The following RAG1 variants were observed in gnomAD, a reference collection of about 807,000 sequenced individuals.
RAG1 encodes the protein V(D)J recombination-activating protein 1.
In RAG1, 35 loss-of-function variants were observed where a neutral mutation model predicts 62.7. That is an observed-to-expected ratio of 0.56 (90% CI 0.43 to 0.74). The LOEUF (loss-of-function observed/expected upper bound fraction) is 0.74, where lower values mean the gene tolerates loss of function less well. RAG1 is among the 30% of genes least tolerant of loss of function. The probability of loss-of-function intolerance (pLI) is 0.00; values close to 1 mark genes in which losing one functional copy is unlikely to be tolerated. For missense variants in RAG1, 1,169 were observed against 1,278.6 expected, an observed-to-expected ratio of 0.91 and a Z score of 1.31; for synonymous variants, 461 against 470.3, an observed-to-expected ratio of 0.98 and a Z score of 0.26.
chr11:36,526,839 T>C (rs375915407), intron 2 of RAG1, among the ~76,000 whole-genome samples: 2 of 152,376 alleles, frequency 1.3e-5, no homozygotes, highest in Non-Finnish European at 2.9e-5. Context: ...CCAGTGATGA[T>C]GAGCATTTCT....
chr11:36,529,623 G>A (rs2554018), intron 2 of RAG1, among the ~76,000 whole-genome samples: 149,276 of 152,258 alleles, frequency 0.98, 73,227 homozygotes, highest in Non-Finnish European at 1. Context: ...TATTCAATAT[G>A]GTATTGGAAG....
chr11:36,535,219 T>C (rs377679320), intron 2 of RAG1, among the ~76,000 whole-genome samples: 1 of 152,190 alleles, frequency 6.6e-6, no homozygotes, highest in East Asian at 1.9e-4. Flanking sequence ...CTGTGTCATT[T>C]TGGAATGCAT....
upstream of RAG1, chr11:36,510,557 G>A (rs75766816): frequency 0.016 from 2,477 of 152,148 alleles, 38 homozygotes; most frequent in Middle Eastern, 0.031. Context: ...GGCGACAGTA[G>A]TAATCCCAAA....
chr11:36,573,371 A>G lies in RAG1; in HGVS notation c.67A>G (p.Ile23Val). Residue 23 changes from isoleucine to valine, a missense_variant, in exon 2 of 2, where the codon ATT (isoleucine) becomes GTT (valine). This residue lies in a region of RAG1 where 369 missense variants were observed against 335.3 expected (regional missense o/e 1.10). Transcript: ENST00000299440. ...CCCAGATGAAATTCAGCACCCACAT[A>G]TTAAATTTTCAGAATGGAAATTTAA... ...SAPDEIQHPH[I>V]KFSEWKFKLF... is the part of the protein sequence containing the mutation. 6.2e-7 allele frequency: 1 copy of G among 1,614,110 alleles called. No individual in the cohort carries two copies. Among genetic ancestry groups the G allele is most frequent in the Non-Finnish European group, 8.5e-7 (1 of 1,180,030 alleles).
chr11:36,546,275 A>G (rs372909790), intron 3 of RAG1, among the ~76,000 whole-genome samples: 16 of 152,268 alleles, frequency 1.1e-4, no homozygotes, highest in African/African-American at 3.1e-4. Flanking sequence ...TTGACTGCAT[A>G]TATATTTAGG....
In RAG1 at chr11:36,573,599, G is replaced by A. The variant is rs138676205; in HGVS notation, c.295G>A (p.Gly99Ser). 299 of 1,614,150 alleles carry A rather than the reference G, an allele frequency of 1.9e-4. No individual in the cohort carries two copies. The African/African-American group carries it at 3.1e-3, about 17-fold the overall frequency. ...KKFHDNEKARGKAIHQANLRH... is the reference protein window; with the variant it reads ...KKFHDNEKARSKAIHQANLRH... ...ATTTCACGACAACGAGAAAGCAAGA[G>A]GCAAAGCGATCCATCAAGCCAACCT... Residue 99 changes from glycine to serine, a missense_variant, in exon 2 of 2, where the codon GGC becomes AGC. Transcript: ENST00000299440.
In RAG1 at chr11:36,574,085, G is replaced by T; in HGVS notation, c.781G>T (p.Asp261Tyr). 1 of 1,614,204 alleles carries T rather than the reference G, an allele frequency of 6.2e-7. No homozygotes were observed. Residue 261 changes from aspartate to tyrosine, a missense_variant, in exon 2 of 2, where the codon GAT becomes TAT. By Grantham distance (160) the Asp-to-Tyr change is radical (BLOSUM62 -3). Transcript: ENST00000299440. ...RRAQARISSK[D>Y]VMKKIANCSK... The stretch of plus-strand genomic sequence containing the variant: ...AGCTCAGGCAAGGATCAGCAGCAAG[G>T]ATGTCATGAAGAAGATCGCCAACTG...
intron 2 of RAG1, among the ~76,000 whole-genome samples, chr11:36,526,254 C>T (rs1860161195): frequency 8.2e-6 from 1 of 121,386 alleles, no homozygotes; most frequent in Non-Finnish European, 1.6e-5. Flanking sequence ...CCCCGATAGG[C>T]CCCAGTGTGT....
Position 36,573,695 on chromosome 11 carries a change from G to T in RAG1, c.391G>T (p.Gly131Cys). Residue 131 changes from glycine to cysteine, a missense_variant, in exon 2 of 2, where the codon GGT becomes TGT. Physicochemically the swap from Gly to Cys is radical, Grantham distance 159. This residue lies in a region of RAG1 where 369 missense variants were observed against 335.3 expected (regional missense o/e 1.10). Coordinates refer to ENST00000299440, the MANE Select transcript of RAG1 (RefSeq NM_000448.3). ...DEHNRRYPVH[G>C]PVDGKTLGLL... ...GCACAACAGGAGATATCCAGTCCATGGTCCTGTGGATGGTAAAACCCTAGG... is the reference window on the plus strand; with the variant it reads ...GCACAACAGGAGATATCCAGTCCATTGTCCTGTGGATGGTAAAACCCTAGG... The T allele has an allele frequency of 6.2e-7, 1 of 1,614,094 alleles. No individual in the cohort carries two copies. The highest frequency in any genetic ancestry group is 8.5e-7 in the Non-Finnish European group (1 of 1,180,034).
At position 36,577,103 on chromosome 11, in the gene RAG1, C is replaced by A. The variant is rs1850864176; in HGVS notation, c.*667C>A. ...TGTTTAAATTATGTATCTATTGTAA[C>A]CTTCAGAGTTTAGGAGGTCATCTGC... On this transcript the variant is annotated 3_prime_UTR_variant, in exon 2 of 2. Coordinates refer to ENST00000299440, the MANE Select transcript of RAG1 (RefSeq NM_000448.3). 6.0e-6 allele frequency: 1 copy of A among 167,402 alleles called. No individual in the cohort carries two copies. The highest frequency in any genetic ancestry group is 1.9e-4 in the East Asian group (1 of 5,198). The allele number at this position is 167,402 out of a possible 1,614,324, so 10.4% of individuals were successfully genotyped here. A position where few individuals can be genotyped will look rare whatever the true frequency, so the allele number is the denominator to read the frequency against.
At chr11:36,537,169 A>T (rs780713159), downstream of RAG1, among the ~76,000 whole-genome samples, 3 of 152,152 alleles carry the variant, frequency 2.0e-5, no homozygotes, top group Non-Finnish European at 4.4e-5. Flanking sequence ...GTTGAGCCTC[A>T]GTTATGTAAG....
intron 1 of RAG1, among the ~76,000 whole-genome samples, chr11:36,512,851 C>T (rs917993123): frequency 6.6e-6 from 1 of 152,124 alleles, no homozygotes. Context: ...AATATTTTGT[C>T]CAGTTGTCCT....
rs114081798 is a variant in RAG1 at position 36,560,919 on chromosome 11, G to A, written c.-411-2466G>A. The stretch of plus-strand genomic sequence containing the variant: ...TCCTTGCTGAATTCTAGTGTTCCGC[G>A]TTAGACGCTGTACTCAAAGTGTAGT... On this transcript the variant is annotated intron_variant and NMD_transcript_variant, in intron 3 of 9. Coordinates refer to the RAG1 transcript ENST00000534663. 8.5e-3 allele frequency among the ~76,000 whole-genome samples: 1,301 copies of A among 152,290 alleles called. 18 individuals are homozygous for A. The highest frequency in any genetic ancestry group is 0.03 in the African/African-American group (1,243 of 41,562).
In RAG1 at chr11:36,575,447, G is replaced by A. The variant is rs1326444164; in HGVS notation, c.2143G>A (p.Val715Met). Residue 715 changes from valine (V) to methionine (M), a missense_variant, in exon 2 of 2, where the codon GTG (valine) becomes ATG (methionine). This residue lies in a region of RAG1 where 800 missense variants were observed against 943.3 expected (regional missense o/e 0.85). Transcript: ENST00000299440. This position sits in a 1 kb window ranked among gnomAD's most constrained non-coding sequence, Gnocchi z 4.1. Reference sequence around the variant, plus strand: ...GGGCACCGGCTATGATGAAAAACTTGTGCGGGAAGTGGAAGGCCTCGAGGC... The same window carrying A: ...GGGCACCGGCTATGATGAAAAACTTATGCGGGAAGTGGAAGGCCTCGAGGC... ...FRGTGYDEKL[V>M]REVEGLEASG... 1 of 1,614,110 alleles carries A rather than the reference G, an allele frequency of 6.2e-7. No homozygotes were observed. Among genetic ancestry groups the A allele is most frequent in the Admixed American group, 1.7e-5 (1 of 60,032 alleles).
intron 1 of RAG1, chr11:36,515,427 A>G: frequency 6.6e-6 from 1 of 152,062 alleles, no homozygotes; most frequent in Non-Finnish European, 1.5e-5. Flanking sequence ...TGATGTCATA[A>G]TCTTTGAGTT....
intron 2 of RAG1, among the ~76,000 whole-genome samples, chr11:36,533,322 A>T (rs1051915540): frequency 6.6e-6 from 1 of 152,194 alleles, no homozygotes; most frequent in Non-Finnish European, 1.5e-5. Flanking sequence ...AGATCAGCTT[A>T]CAATGAATCC....
chr11:36,569,259 A>G (rs1415072077), intron 1 of RAG1, among the ~76,000 whole-genome samples: 1 of 152,064 alleles, frequency 6.6e-6, no homozygotes, highest in Non-Finnish European at 1.5e-5. Flanking sequence ...GTGTGGAGGG[A>G]GGCACGCCTG....
At position 36,574,312 on chromosome 11, in the gene RAG1, C is replaced by G; in HGVS notation, c.1008C>G (p.Phe336Leu). The change falls in exon 2 of 2, where the codon TTC becomes TTG. Residue 336 changes from phenylalanine to leucine, a missense_variant. Phe to Leu is a conservative substitution (Grantham distance 22). This residue lies in a region of RAG1 where 800 missense variants were observed against 943.3 expected (regional missense o/e 0.85). Transcript: ENST00000299440. ...SYCPSCRYPCFPTDLESPVKS... is the reference protein window; with the variant it reads ...SYCPSCRYPCLPTDLESPVKS... Reference sequence around the variant, plus strand: ...GTCCCTCTTGCCGATATCCATGCTTCCCTACTGACCTGGAGAGTCCAGTGA... The same window carrying G: ...GTCCCTCTTGCCGATATCCATGCTTGCCTACTGACCTGGAGAGTCCAGTGA... The G allele has an allele frequency of 6.2e-7, 1 of 1,614,218 alleles. No individual in the cohort carries two copies. The highest frequency in any genetic ancestry group is 8.5e-7 in the Non-Finnish European group (1 of 1,180,044).
At position 36,575,594 on chromosome 11, in the gene RAG1, C is replaced by G; in HGVS notation, c.2290C>G (p.Arg764Gly). The change falls in exon 2 of 2, where the codon CGT becomes GGT. Residue 764 changes from arginine to glycine, a missense_variant. Physicochemically the swap from Arg to Gly is moderately radical, Grantham distance 125. Coordinates refer to ENST00000299440, the MANE Select transcript of RAG1 (RefSeq NM_000448.3). This position sits in a 1 kb window ranked among gnomAD's most constrained non-coding sequence, Gnocchi z 4.1. ...GAACCTGGAACGTTATGAGGTCTGG[C>G]GTTCCAACCCTTACCATGAGTCTGT... ...AENLERYEVWRSNPYHESVEE... is the reference protein window; with the variant it reads ...AENLERYEVWGSNPYHESVEE... The G allele has an allele frequency of 6.2e-7, 1 of 1,614,178 alleles. No homozygotes were observed. Among genetic ancestry groups the G allele is most frequent in the Non-Finnish European group, 8.5e-7 (1 of 1,180,026 alleles).
Sources: allele counts gnomAD v4.1 joint callset (sites outside exome capture counted in the v4.1 genomes callset), GRCh38; gene constraint gnomAD v4.1.1; regional missense constraint gnomAD v4.1.1; non-coding constraint Gnocchi (gnomAD v3.1); transcripts MANE v1.5; gene names NCBI Gene and HGNC (gene_info 2026-07-23, HGNC 2026-07-21).